The following EXPH5 variants were observed in gnomAD, a reference collection of about 807,000 sequenced individuals.
EXPH5 encodes the protein exophilin 5, also known as exophilin-5.
Under a neutral mutation model 41.1 loss-of-function variants are expected in EXPH5, and 42 were observed. The observed-to-expected ratio is 1.02, with a 90% CI of 0.80 to 1.32. The LOEUF (loss-of-function observed/expected upper bound fraction) is 1.32. Ranked by LOEUF, EXPH5 falls within the 40% of genes most tolerant of loss-of-function variation. EXPH5 has a pLI of 0.00. For synonymous variants in EXPH5, 798 were observed against 833.5 expected, an observed-to-expected ratio of 0.96 and a Z score of 0.73; for missense variants, 2,298 against 2,314.5, an observed-to-expected ratio of 0.99 and a Z score of 0.15.
chr11:108,587,816 G>A (rs111389880), intron 1 of EXPH5, among the ~76,000 whole-genome samples: 6,174 of 152,166 alleles, frequency 0.041, 132 homozygotes, highest in Middle Eastern at 0.051. Flanking sequence ...ACAATGGCGC[G>A]GTCTCGGCTC....
Position 108,511,259 on chromosome 11 carries a change from G to A in EXPH5, c.4248C>T (p.Ser1416=), listed in dbSNP as rs766268403. 1.0e-5 allele frequency: 16 copies of A among 1,607,860 alleles called. No homozygotes were observed. The highest frequency in any genetic ancestry group is 5.2e-5 in the Admixed American group (3 of 58,158). ...AGGGACCACTGTTACTTGAATTAAT[G>A]GATTGTTGACAATTTTCAGATTTTT... ...SEEKSENCQQ[S]INSSNSGPSS... The change falls in exon 6 of 6, where the codon TCC becomes TCT. Residue 1416 remains serine, a synonymous_variant. Transcript: ENST00000265843.
intron 1 of EXPH5, among the ~76,000 whole-genome samples, chr11:108,569,456 C>T (rs1591749671): frequency 6.6e-6 from 1 of 151,054 alleles, no homozygotes; most frequent in Non-Finnish European, 1.5e-5. Flanking sequence ...TCTCCTGCTT[C>T]AGCCTCCCGA....
chr11:108,605,251 T>C, the EXPH5 span, among the ~76,000 whole-genome samples: 2 of 152,288 alleles, frequency 1.3e-5, no homozygotes, highest in South Asian at 2.1e-4. Flanking sequence ...ACAAAAGCAG[T>C]GACCCTTCTG....
chr11:108,593,343 T>G, intron 1 of EXPH5, 75 bp downstream of exon 1: 5 of 1,366,610 alleles, frequency 3.7e-6, no homozygotes, highest in Non-Finnish European at 5.2e-6. Flanking sequence ...CCGCGCGAGC[T>G]CAGCGCCTTC....
At chr11:108,535,846 G>A (rs997098562) in intron 3 of EXPH5, among the ~76,000 whole-genome samples, 1 of 152,162 alleles carries the variant, frequency 6.6e-6, no homozygotes, top group Admixed American at 6.5e-5. Context: ...ATAACTGGGG[G>A]TCTGGAACAA....
chr11:108,510,737 T>G lies in EXPH5; in HGVS notation c.4770A>C (p.Ser1590=). The change falls in exon 6 of 6, where the codon TCA becomes TCC. Residue 1590 remains serine (S), a synonymous_variant. Transcript: ENST00000265843. ...DDLVKGENRS[S]VKHRLAAMSK... is the part of the protein sequence containing the mutation. ...ACATGGCTGCCAATCTGTGTTTAAC[T>G]GAAGATCTATTTTCCCCCTTTACTA... The G allele has an allele frequency of 6.2e-7, 1 of 1,614,236 alleles. No homozygotes were observed. The highest frequency in any genetic ancestry group is 8.5e-7 in the Non-Finnish European group (1 of 1,180,048).
chr11:108,557,223 T>C (rs1344806536), intron 1 of EXPH5, among the ~76,000 whole-genome samples: 1 of 152,178 alleles, frequency 6.6e-6, no homozygotes, highest in Admixed American at 6.5e-5. Context: ...TGTTTGCTTG[T>C]TTTGAGATGG....
In EXPH5 at chr11:108,574,175, C is replaced by T. The variant is rs140512547; in HGVS notation, c.119+19243G>A. Among the ~76,000 whole-genome samples, 1,312 of 151,786 alleles carry T rather than the reference C, an allele frequency of 8.6e-3. 17 individuals carry two copies. Among genetic ancestry groups the T allele is most frequent in the African/African-American group, 0.029 (1,205 of 41,402 alleles). On this transcript the variant is annotated intron_variant, in intron 1 of 5. Transcript: ENST00000265843. ...TCACTCGCCTTAGCCTCCCAAAGTG[C>T]GGAGATTACAGGCGTGAGCCACCGC...
At chr11:108,605,582 A>C in the EXPH5 span, among the ~76,000 whole-genome samples, 5 of 152,144 alleles carry the variant, frequency 3.3e-5, no homozygotes, top group Non-Finnish European at 5.9e-5. Context: ...CGCCCAGCAA[A>C]GAATTATGTG....
chr11:108,574,794 C>T (rs1280886180), intron 1 of EXPH5, among the ~76,000 whole-genome samples: 1 of 152,198 alleles, frequency 6.6e-6, no homozygotes, highest in African/African-American at 2.4e-5. Context: ...CACAGAAGGC[C>T]TTTACTTCCA....
At chr11:108,555,544 C>T (rs2093985932) in intron 1 of EXPH5, among the ~76,000 whole-genome samples, 1 of 152,222 alleles carries the variant, frequency 6.6e-6, no homozygotes, top group Admixed American at 6.5e-5. Flanking sequence ...CACCATCTTT[C>T]ACCTGGATGT....
chr11:108,549,678 C>T (rs1472820111), intron 1 of EXPH5, among the ~76,000 whole-genome samples: 1 of 152,230 alleles, frequency 6.6e-6, no homozygotes, highest in East Asian at 1.9e-4. Flanking sequence ...GATACCCTCC[C>T]TGGCCCATTC....
At chr11:108,535,340 C>G (rs1315727810) in intron 3 of EXPH5, among the ~76,000 whole-genome samples, 1 of 152,198 alleles carries the variant, frequency 6.6e-6, no homozygotes, top group Non-Finnish European at 1.5e-5. Flanking sequence ...CTTAAAACCA[C>G]TCCCCTCGTC....
intron 1 of EXPH5, among the ~76,000 whole-genome samples, chr11:108,569,709 G>A (rs750313452): frequency 6.6e-5 from 10 of 152,100 alleles, no homozygotes; most frequent in Non-Finnish European, 1.0e-4. Flanking sequence ...GTATATCTCC[G>A]GTACCAGGTT....
At chr11:108,606,274 A>G in the EXPH5 span, among the ~76,000 whole-genome samples, 5 of 151,966 alleles carry the variant, frequency 3.3e-5, no homozygotes, top group East Asian at 7.8e-4. Flanking sequence ...AATCCCCCAC[A>G]CCAGTCCCTG....
At chr11:108,591,705 T>C (rs1161955213) in intron 1 of EXPH5, among the ~76,000 whole-genome samples, 1 of 152,248 alleles carries the variant, frequency 6.6e-6, no homozygotes, top group Non-Finnish European at 1.5e-5. Flanking sequence ...CCCAGCCCAA[T>C]GGCTTTGTGT....
intron 3 of EXPH5, among the ~76,000 whole-genome samples, chr11:108,529,621 G>T (rs993683985): frequency 6.6e-6 from 1 of 152,138 alleles, no homozygotes; most frequent in African/African-American, 2.4e-5. Flanking sequence ...GAGGTGGGTG[G>T]ATCACTTGAG....
intron 1 of EXPH5, among the ~76,000 whole-genome samples, chr11:108,557,052 C>T (rs1417061317): frequency 6.6e-6 from 1 of 152,224 alleles, no homozygotes; most frequent in Non-Finnish European, 1.5e-5. Flanking sequence ...ATGCTCTTCC[C>T]TATTTTGTCA....
At chr11:108,519,544 C>A (rs774823543) in intron 4 of EXPH5, among the ~76,000 whole-genome samples, 1 of 152,020 alleles carries the variant, frequency 6.6e-6, no homozygotes, top group African/African-American at 2.4e-5. Context: ...GCCAGGAGTT[C>A]GAAACCAGCC....
Sources: gnomAD v4.1 joint callset for allele counts (sites outside exome capture counted in the v4.1 genomes callset) on GRCh38, gnomAD v4.1.1 for gene constraint, MANE v1.5 for transcripts, NCBI Gene and HGNC (gene_info 2026-07-23, HGNC 2026-07-21) for gene names.